PASK: variants seen among roughly 807,000 people sequenced by gnomAD.
PASK encodes the protein PAS domain containing serine/threonine kinase, also known as PAS domain-containing serine/threonine-protein kinase.
PASK carries 110 observed loss-of-function variants against 121.0 expected under a neutral mutation model. The observed-to-expected ratio is 0.91, with a 90% CI of 0.78 to 1.06. The LOEUF is 1.06. PASK is among the 50% of genes least tolerant of loss of function. The pLI is 0.00. For missense variants in PASK, 1,643 were observed against 1,702.3 expected (o/e 0.97, Z 0.61); for synonymous variants, 686 against 717.8 (o/e 0.96, Z 0.71).
chr2:241,146,266 T>A (rs2066948956), intron 1 of PASK, among the ~76,000 whole-genome samples: 1 of 152,244 alleles, frequency 6.6e-6, no homozygotes, highest in Non-Finnish European at 1.5e-5. Flanking sequence ...CAACAGGAAC[T>A]CTTAATACAT....
At chr2:241,128,729 G>A (rs2065987437) in intron 9 of PASK, among the ~76,000 whole-genome samples, 2 of 152,106 alleles carry the variant, frequency 1.3e-5, no homozygotes, top group South Asian at 4.1e-4. Flanking sequence ...TAGCCAGCGT[G>A]GTGACACACA....
chr2:241,107,183 T>C (rs946357116), intron 17 of PASK, among the ~76,000 whole-genome samples, 170 bp downstream of exon 17: 3 of 152,090 alleles, frequency 2.0e-5, no homozygotes, highest in African/African-American at 7.2e-5. Flanking sequence ...CGGGACAGAA[T>C]CAAACCCCCT....
In PASK at chr2:241,122,886, C is replaced by A; in HGVS notation, c.2918G>T (p.Arg973Ile). The change falls in exon 12 of 18, where the codon AGA (arginine) becomes ATA (isoleucine). Residue 973 changes from arginine (R) to isoleucine (I), a missense_variant. Arg to Ile is a moderately conservative substitution (Grantham distance 97). Transcript: ENST00000234040. ...CTTGGGGGGCTCCTCAAACCAGGGTCTGGCTCTGAGCACCTGCAATGCAGA... is the reference window on the plus strand; with the variant it reads ...CTTGGGGGGCTCCTCAAACCAGGGTATGGCTCTGAGCACCTGCAATGCAGA... ...GPSLVEVLRA[R>I]PWFEEPPKAV... 6.2e-7 allele frequency: 1 copy of A among 1,614,050 alleles called. No homozygotes were observed. The highest frequency in any genetic ancestry group is 1.3e-5 in the African/African-American group (1 of 75,066).
At chr2:241,114,268 C>A in intron 14 of PASK, 1 of 985,420 alleles carries the variant, frequency 1.0e-6, no homozygotes, top group Non-Finnish European at 1.2e-6. Flanking sequence ...GGAAACCCAA[C>A]AACCCGAGAG....
rs754287737 is a variant in PASK at position 241,112,375 on chromosome 2, T to G, written c.3398A>C (p.Asn1133Thr). Residue 1133 changes from asparagine (N) to threonine (T), a missense_variant, in exon 15 of 18, where the codon AAC (asparagine) becomes ACC (threonine). Asn to Thr is a moderately conservative substitution (Grantham distance 65). Transcript: ENST00000234040. The surrounding 1 kb of genome is among the most constrained non-coding windows in gnomAD (Gnocchi z 5.2). ...TGTGAAGTCCTCGGCGATCACGATG[T>G]TCTCATCCTTGATGTCACGGTGGAT... ...DIIHRDIKDENIVIAEDFTIK... is the reference protein window; with the variant it reads ...DIIHRDIKDETIVIAEDFTIK... 6.2e-7 allele frequency: 1 copy of G among 1,613,730 alleles called. No homozygotes were observed. Among genetic ancestry groups the G allele is most frequent in the Non-Finnish European group, 8.5e-7 (1 of 1,179,722 alleles).
intron 1 of PASK, among the ~76,000 whole-genome samples, chr2:241,144,531 G>A (rs1470990211): frequency 6.6e-6 from 1 of 152,174 alleles, no homozygotes; most frequent in Non-Finnish European, 1.5e-5. Context: ...TGGGTATCCA[G>A]AACCCCAGAG....
At chr2:241,131,832 G>GAT (rs1320684749) in intron 9 of PASK, among the ~76,000 whole-genome samples, 1 of 152,044 alleles carries the variant, frequency 6.6e-6, no homozygotes, top group East Asian at 2.0e-4. Flanking sequence ...AAGGCGGGTG[G>GAT]ACCATGAGGT....
chr2:241,144,619 C>T (rs1336679636), intron 1 of PASK, among the ~76,000 whole-genome samples: 1 of 152,204 alleles, frequency 6.6e-6, no homozygotes, highest in African/African-American at 2.4e-5. Flanking sequence ...CACACTGGCA[C>T]ACCTATAGCC....
chr2:241,149,901 C>G (rs2067205124), upstream of PASK: 11 of 1,438,332 alleles, frequency 7.6e-6, no homozygotes, highest in African/African-American at 2.9e-5. Flanking sequence ...CCCACCAGCG[C>G]AAGTGCCCCG....
At chr2:241,150,214 C>T, upstream of PASK, 5 of 1,274,080 alleles carry the variant, frequency 3.9e-6, no homozygotes, top group South Asian at 2.7e-5. Flanking sequence ...CCTGCAGCTA[C>T]GGCTCTGTGC....
chr2:241,120,807 T>C (rs995074239), intron 12 of PASK, among the ~76,000 whole-genome samples: 1 of 152,224 alleles, frequency 6.6e-6, no homozygotes, highest in African/African-American at 2.4e-5. Context: ...ACATGACCCA[T>C]GAAGTGCACT....
chr2:241,117,485 G>A (rs1034423844), intron 12 of PASK, among the ~76,000 whole-genome samples: 2 of 152,206 alleles, frequency 1.3e-5, no homozygotes, highest in African/African-American at 2.4e-5. Context: ...TCCTCCAGGG[G>A]GGCCCATGCA....
chr2:241,127,357 C>T lies in PASK; in HGVS notation c.1558G>A (p.Val520Met). Residue 520 changes from valine (V) to methionine (M), a missense_variant, in exon 10 of 18, where the codon GTG (valine) becomes ATG (methionine). Around this residue, in one of 3 missense-constraint regions of PASK, gnomAD observed 1,176 missense variants for 1,162.2 expected, o/e 1.01. Transcript: ENST00000234040. The stretch of plus-strand genomic sequence containing the variant: ...TCCTGTCCGGGGCTCTCTATTGCCA[C>T]AGGTTCCTCTCTCCCCAAGGCAGTG... ...QITALGREEP[V>M]AIESPGQDLL... 1.2e-6 allele frequency: 2 copies of T among 1,614,206 alleles called. No individual in the cohort carries two copies. Among genetic ancestry groups the T allele is most frequent in the East Asian group, 2.2e-5 (1 of 44,894 alleles).
chr2:241,122,837 C>T lies in PASK; in HGVS notation c.2967G>A (p.Ala989=), dbSNP rs201257680. 2.5e-5 allele frequency: 41 copies of T among 1,614,182 alleles called. No homozygotes were observed. Among genetic ancestry groups the T allele is most frequent in the South Asian group, 1.2e-4 (11 of 91,080 alleles). ...TTTGGGAGTACTCGCCCTCACAGGC[C>T]GCCAACCCCTCCAGTTCCACAGCCT... ...PPKAVELEGL[A]ACEGEYSQKY... The change falls in exon 12 of 18, where the codon GCG becomes GCA. Residue 989 remains alanine (A), a synonymous_variant. Coordinates refer to ENST00000234040, the MANE Select transcript of PASK (RefSeq NM_015148.4).
rs11682122 is a variant in PASK, at chr2:241,138,919, T to A, written c.601-125A>T. 21 of 886,600 alleles carry A rather than the reference T, an allele frequency of 2.4e-5. No individual in the cohort carries two copies. The East Asian group carries it at 4.7e-4, about 20-fold the overall frequency. The allele number at this position is 886,600 out of a possible 1,614,324, so 54.9% of individuals were successfully genotyped here. ...ACGTTTTCAACTTCTGCTTACCTGA[T>A]TTTCATTTCAGAAATTTACCAAAGC... On this transcript the variant is annotated intron_variant, in intron 4 of 17. Coordinates refer to ENST00000234040, the MANE Select transcript of PASK (RefSeq NM_015148.4).
At chr2:241,129,019 C>CA (rs2066004071) in intron 9 of PASK, among the ~76,000 whole-genome samples, 8 of 118,002 alleles carry the variant, frequency 6.8e-5, no homozygotes, top group Non-Finnish European at 9.3e-5. Context: ...CCATGTCTCC[C>CA]GCCTCTCTCC....
At chr2:241,137,687 C>T (rs1575326433) in intron 6 of PASK, among the ~76,000 whole-genome samples, 1 of 152,228 alleles carries the variant, frequency 6.6e-6, no homozygotes, top group Admixed American at 6.5e-5. Flanking sequence ...CCTCCCACCC[C>T]TCAGCCTTGG....
In PASK at chr2:241,124,133, C is replaced by T. The variant is rs1319365567; in HGVS notation, c.2720G>A (p.Ser907Asn). The change falls in exon 11 of 18, where the codon AGT (serine) becomes AAT (asparagine). Residue 907 changes from serine (S) to asparagine (N), a missense_variant and splice_region_variant. Physicochemically the swap from Ser to Asn is conservative, Grantham distance 46. Coordinates refer to ENST00000234040, the MANE Select transcript of PASK (RefSeq NM_015148.4). The stretch of plus-strand genomic sequence containing the variant: ...CACCCGCCTCACCTCAAACTGTATA[C>T]CTGAAGGGTGAGAAGGTAAGAACGC... ...SCYHRDGLRL[S>N]IQFEVRRVEL... The T allele has an allele frequency of 6.2e-7, 1 of 1,613,452 alleles. No homozygotes were observed. The highest frequency in any genetic ancestry group is 1.3e-5 in the African/African-American group (1 of 74,908).
Position 241,108,360 on chromosome 2 carries a change from C to A in PASK, c.3534-60G>T. ...ACTCAGCGCAGGCTTGCCAAGCCCG[C>A]CCATGGGAAGCACCATGGCCCTTCC... On this transcript the variant is annotated intron_variant, in intron 15 of 17. Coordinates refer to ENST00000234040, the MANE Select transcript of PASK (RefSeq NM_015148.4). The surrounding 1 kb of genome is among the most constrained non-coding windows in gnomAD (Gnocchi z 5.2). The A allele has an allele frequency of 6.3e-7, 1 of 1,585,374 alleles. No individual in the cohort carries two copies. Among genetic ancestry groups the A allele is most frequent in the Non-Finnish European group, 8.6e-7 (1 of 1,158,150 alleles).
Sources: gnomAD v4.1 joint callset for allele counts (sites outside exome capture counted in the v4.1 genomes callset) on GRCh38, gnomAD v4.1.1 for gene constraint, gnomAD v4.1.1 regional missense constraint, Gnocchi (gnomAD v3.1) non-coding constraint, MANE v1.5 for transcripts, NCBI Gene and HGNC (gene_info 2026-07-23, HGNC 2026-07-21) for gene names.